The following CPAMD8 variants were observed in gnomAD, a reference collection of about 807,000 sequenced individuals.
CPAMD8 encodes the protein C3 and PZP like alpha-2-macroglobulin domain containing 8, also known as C3 and PZP-like alpha-2-macroglobulin domain-containing protein 8.
Under a neutral mutation model 224.7 loss-of-function variants are expected in CPAMD8, and 146 were observed. That is an observed-to-expected ratio of 0.65 (90% CI 0.57 to 0.75). The LOEUF is 0.75. Ranked by LOEUF, CPAMD8 falls within the 30% of genes least tolerant of loss-of-function variation. The pLI is 0.00. For synonymous variants in CPAMD8, 966 were observed against 1,044.6 expected (o/e 0.92, Z 1.45); for missense variants, 2,301 against 2,537.5 (o/e 0.91, Z 2.00).
At chr19:17,014,218 ATTTAT>A (rs1472342880) in intron 3 of CPAMD8, among the ~76,000 whole-genome samples, 1 of 151,824 alleles carries the variant, frequency 6.6e-6, no homozygotes, top group Non-Finnish European at 1.5e-5. Context: ...TGCCCAGCTA[ATTTAT>A]TTTATTTTAT....
chr19:16,954,008 C>T (rs2054382385), intron 19 of CPAMD8, among the ~76,000 whole-genome samples: 1 of 152,098 alleles, frequency 6.6e-6, no homozygotes, highest in Non-Finnish European at 1.5e-5. Flanking sequence ...CACCTATAAT[C>T]CCAGCACTTT....
chr19:17,002,011 G>T (rs746907585), intron 9 of CPAMD8, among the ~76,000 whole-genome samples: 1 of 151,542 alleles, frequency 6.6e-6, no homozygotes, highest in Non-Finnish European at 1.5e-5. Flanking sequence ...CAGGGGAGGA[G>T]CCTGGTGGGG....
chr19:17,024,970 G>A (rs546006731), intron 1 of CPAMD8, among the ~76,000 whole-genome samples: 1 of 152,334 alleles, frequency 6.6e-6, no homozygotes, highest in East Asian at 1.9e-4. Context: ...TGGCTTAGAG[G>A]CCAGCTAATC....
chr19:16,988,222 C>T (rs529764634), intron 13 of CPAMD8, among the ~76,000 whole-genome samples: 1 of 152,274 alleles, frequency 6.6e-6, no homozygotes, highest in African/African-American at 2.4e-5. Flanking sequence ...CCCATAGCAG[C>T]AGCTCTATGT....
chr19:16,899,336 C>T lies in CPAMD8; in HGVS notation c.4848+139G>A, dbSNP rs1340188774. ...CTTCCCAAAGTGCTGGGATTACAGGCATGAGCCACCATGCCCGGCCCCAGT... is the reference window on the plus strand; with the variant it reads ...CTTCCCAAAGTGCTGGGATTACAGGTATGAGCCACCATGCCCGGCCCCAGT... On this transcript the variant is annotated intron_variant, in intron 37 of 41. Transcript: ENST00000443236. This position sits in a 1 kb window ranked among gnomAD's most constrained non-coding sequence, Gnocchi z 5.4. 26 of 602,456 alleles carry T rather than the reference C, an allele frequency of 4.3e-5. 2 individuals carry two copies. The Middle Eastern group carries it at 1.7e-3, about 38-fold the overall frequency. The allele number at this position is 602,456 out of a possible 1,614,324, so 37.3% of individuals were successfully genotyped here. A position where few individuals can be genotyped will look rare whatever the true frequency, so the allele number is the denominator to read the frequency against.
chr19:16,940,801 A>G (rs2053862141), intron 22 of CPAMD8, among the ~76,000 whole-genome samples: 1 of 152,146 alleles, frequency 6.6e-6, no homozygotes, highest in Admixed American at 6.5e-5. Context: ...TTGCTAAGCT[A>G]GGGGGCACCA....
rs746140651 is a variant in CPAMD8, at chr19:16,931,005, C to T, written c.2846-1765G>A. On this transcript the variant is annotated intron_variant, in intron 23 of 41. Transcript: ENST00000443236. ...AGCTGCTGCACACTTTCACGTGCCC[C>T]GAGGGCTAACTCCCCAACCTGCAGC... Among the ~76,000 whole-genome samples the T allele has an allele frequency of 5.3e-5, 8 of 152,158 alleles. 1 individual carries two copies. The South Asian group carries it at 1.2e-3, about 24-fold the overall frequency.
chr19:16,917,914 G>A (rs1432284274), intron 27 of CPAMD8, among the ~76,000 whole-genome samples: 2 of 152,158 alleles, frequency 1.3e-5, no homozygotes, highest in East Asian at 1.9e-4. Context: ...CAAGGATACC[G>A]AAATCCACTG....
intron 41 of CPAMD8, 71 bp from the exon 42 acceptor site, chr19:16,893,410 G>A (rs1370450212): frequency 1.1e-5 from 12 of 1,060,378 alleles, no homozygotes; most frequent in Non-Finnish European, 1.6e-5. Flanking sequence ...TGAGGAAGGA[G>A]CCACAGGGCC....
At chr19:17,021,913 G>T (rs1426979044) in intron 2 of CPAMD8, 117 bp downstream of exon 2, 1 of 913,590 alleles carries the variant, frequency 1.1e-6, no homozygotes, top group Non-Finnish European at 1.6e-6. Flanking sequence ...TGCCCCTGGG[G>T]ATTTAGGGCA....
At chr19:16,994,583 C>G (rs901662808) in intron 11 of CPAMD8, among the ~76,000 whole-genome samples, 8 of 143,916 alleles carry the variant, frequency 5.6e-5, no homozygotes, top group Non-Finnish European at 1.0e-4. Flanking sequence ...TGAAGTGGCC[C>G]GATCATAGCT....
rs1388303193 is a variant in CPAMD8, at chr19:16,896,504, GGCAGGCGGCCTCCC to G, written c.5213_5226del (p.Arg1738ProfsTer31). The G allele has an allele frequency of 4.2e-6, 6 of 1,428,884 alleles. No individual in the cohort carries two copies. The highest frequency in any genetic ancestry group is 2.7e-5 in the East Asian group (1 of 37,600). 88.5% of individuals were successfully genotyped at this position (1,428,884 alleles called of 1,614,324 possible). A position where few individuals can be genotyped will look rare whatever the true frequency, so the allele number is the denominator to read the frequency against. On this transcript the variant is annotated frameshift_variant, in exon 40 of 42. Coordinates refer to ENST00000443236, the MANE Select transcript of CPAMD8 (RefSeq NM_015692.5). LOFTEE classifies it high-confidence loss of function. ...GCGGGCTCCAGGGGCGCGGCCTGGC[GGCAGGCGGCCTCCC>G]GCAGGCGGCAGGCGCTGGCGTAGAC...
chr19:16,954,370 G>C (rs1392105609), intron 19 of CPAMD8, among the ~76,000 whole-genome samples: 3 of 151,388 alleles, frequency 2.0e-5, no homozygotes, highest in Non-Finnish European at 4.4e-5. Flanking sequence ...AAAGAGAACA[G>C]CAAGTGTTTC....
intron 25 of CPAMD8, among the ~76,000 whole-genome samples, chr19:16,927,769 T>G (rs1470489609): frequency 6.6e-6 from 1 of 152,210 alleles, no homozygotes; most frequent in East Asian, 1.9e-4. Flanking sequence ...ATCTGCCATC[T>G]CACCTGGACT....
intron 10 of CPAMD8, 53 bp from the exon 11 acceptor site, chr19:16,997,391 A>AGGGATGG (rs1453210769): frequency 9.2e-7 from 1 of 1,081,426 alleles, no homozygotes; most frequent in Non-Finnish European, 1.4e-6. Flanking sequence ...AGTGTCTTTG[A>AGGGATGG]GGGATGTCCC....
chr19:16,937,804 C>G (rs888810243), intron 23 of CPAMD8, among the ~76,000 whole-genome samples: 5 of 152,096 alleles, frequency 3.3e-5, no homozygotes, highest in African/African-American at 1.2e-4. Context: ...AGGTGCGTGC[C>G]ACCACGACCA....
Position 16,897,654 on chromosome 19 carries a change from G to A in CPAMD8, c.5065+37C>T, listed in dbSNP as rs1332615779. On this transcript the variant is annotated intron_variant, in intron 39 of 41. Coordinates refer to ENST00000443236, the MANE Select transcript of CPAMD8 (RefSeq NM_015692.5). The stretch of plus-strand genomic sequence containing the variant: ...GAGGGTGGGAGTCGGGGTGTGGCAG[G>A]CCGCGGTGGGGGGCGGCAGTGGCTC... The A allele has an allele frequency of 7.3e-6, 9 of 1,241,200 alleles. No homozygotes were observed. The Admixed American group carries it at 9.6e-5, about 13-fold the overall frequency. 76.9% of individuals were successfully genotyped at this position (1,241,200 alleles called of 1,614,324 possible).
intron 27 of CPAMD8, among the ~76,000 whole-genome samples, chr19:16,917,304 C>T (rs946456935): frequency 1.3e-5 from 2 of 152,032 alleles, no homozygotes; most frequent in Non-Finnish European, 2.9e-5. Context: ...TAGTTCATAA[C>T]GTTTTGATGC....
chr19:16,942,607 G>C (rs910091948), intron 22 of CPAMD8, among the ~76,000 whole-genome samples: 1 of 152,204 alleles, frequency 6.6e-6, no homozygotes, highest in African/African-American at 2.4e-5. Flanking sequence ...CACAAATCCA[G>C]GGGCCCCTCA....
Sources: allele counts gnomAD v4.1 joint callset (sites outside exome capture counted in the v4.1 genomes callset), GRCh38; gene constraint gnomAD v4.1.1; non-coding constraint Gnocchi (gnomAD v3.1); transcripts MANE v1.5; gene names NCBI Gene and HGNC (gene_info 2026-07-23, HGNC 2026-07-21).